TSBP1: variants seen among roughly 807,000 people sequenced by gnomAD.
The protein encoded by TSBP1 is testis expressed basic protein 1, also known as testis-expressed basic protein 1.
In TSBP1, 56 loss-of-function variants were observed where a neutral mutation model predicts 68.8. The observed-to-expected ratio is 0.81, with a 90% CI of 0.66 to 1.02. The LOEUF (loss-of-function observed/expected upper bound fraction) is 1.02, where lower values mean the gene tolerates loss of function less well. Among genes scored for constraint, TSBP1 ranks in the 50% least tolerant of loss-of-function variants. The pLI is 0.00. For missense variants in TSBP1, 502 were observed against 641.2 expected, an observed-to-expected ratio of 0.78 and a Z score of 2.34; for synonymous variants, 171 against 208.7, an observed-to-expected ratio of 0.82 and a Z score of 1.56.
chr6:32,367,265 A>AGAGAGAGAGAGAGAGAG (rs9281758), intron 4 of TSBP1, among the ~76,000 whole-genome samples: 7,811 of 117,254 alleles, frequency 0.067, 428 homozygotes, highest in Non-Finnish European at 0.1. Context: ...GAGAGAGAGA[A>AGAGAGAGAGAGAGAGAG]AGAGAGAGAG....
intron 9 of TSBP1, among the ~76,000 whole-genome samples, chr6:32,344,874 G>A (rs555263137): frequency 1.2e-4 from 18 of 151,900 alleles, no homozygotes; most frequent in East Asian, 3.9e-4. Context: ...GGCTGGGGTG[G>A]GGGGGACAGG....
At chr6:32,294,189 C>A in intron 22 of TSBP1, 154 bp from the exon 26 acceptor site, 1 of 796,700 alleles carries the variant, frequency 1.3e-6, no homozygotes, top group Non-Finnish European at 2.0e-6. Flanking sequence ...GTTCTCTGTA[C>A]ATAAAATTAT....
At chr6:32,330,119 G>A (rs544036691) in intron 16 of TSBP1, among the ~76,000 whole-genome samples, 86 of 152,342 alleles carry the variant, frequency 5.6e-4, no homozygotes, top group African/African-American at 2.0e-3. Flanking sequence ...GGCCTTTGGA[G>A]AGAAAACTGT....
At chr6:32,309,589 T>G (rs1766163483) in intron 19 of TSBP1, among the ~76,000 whole-genome samples, 1 of 150,496 alleles carries the variant, frequency 6.6e-6, no homozygotes, top group African/African-American at 2.4e-5. Flanking sequence ...TTGTATTCTT[T>G]TTAAAATTTT....
In TSBP1 at chr6:32,365,574, T is replaced by G. The variant is rs1281035744; in HGVS notation, c.217+593A>C. ...ATGCTGATCATCTCAATGTTCTGGG[T>G]GGAGTGAGAAATAAGTGGGCTTATC... On this transcript the variant is annotated intron_variant, in intron 6 of 22. Transcript: ENST00000612031. The surrounding 1 kb of genome is among the most constrained non-coding windows in gnomAD (Gnocchi z 4.3). 2.2e-5 allele frequency: 10 copies of G among 456,344 alleles called. No individual in the cohort carries two copies. In the Admixed American group the frequency reaches 2.4e-4, roughly 11 times the overall value. 28.3% of individuals were successfully genotyped at this position (456,344 alleles called of 1,614,324 possible).
rs115767683 is a variant in TSBP1 at position 32,307,256 on chromosome 6, A to G, written c.581-4627T>C. Among the ~76,000 whole-genome samples, 412 of 152,230 alleles carry G rather than the reference A, an allele frequency of 2.7e-3. 1 individual carries two copies. The highest frequency in any genetic ancestry group is 9.5e-3 in the African/African-American group (396 of 41,546). The stretch of plus-strand genomic sequence containing the variant: ...TGTATCCTAAGTGTTTTGACAAGTA[A>G]TGATTTTATACTCACTTATTTCTAT... On this transcript the variant is annotated intron_variant, in intron 19 of 22. Coordinates refer to ENST00000612031, the Ensembl canonical transcript of TSBP1.
chr6:32,305,128 T>G (rs1765671022), intron 19 of TSBP1, among the ~76,000 whole-genome samples: 1 of 152,138 alleles, frequency 6.6e-6, no homozygotes, highest in Non-Finnish European at 1.5e-5. Context: ...AGGCCTTTCC[T>G]GGGCCTTGAA....
chr6:32,301,102 C>T (rs1765239955), intron 20 of TSBP1, among the ~76,000 whole-genome samples: 1 of 152,046 alleles, frequency 6.6e-6, no homozygotes, highest in Admixed American at 6.5e-5. Context: ...GAACATGGCT[C>T]ACTGCAGCTT....
rs9281761 is a variant in TSBP1 at position 32,369,373 on chromosome 6, A to ATTTTTTTTTTTTTTTTT, written c.100+523_100+524insAAAAAAAAAAAAAAAAA. Among the ~76,000 whole-genome samples the ATTTTTTTTTTTTTTTTT allele has an allele frequency of 1.3e-3, 165 of 126,980 alleles. 6 individuals carry two copies. Among genetic ancestry groups the ATTTTTTTTTTTTTTTTT allele is most frequent in the African/African-American group, 3.3e-3 (114 of 34,204 alleles). The allele number at this position is 126,980 out of a possible 152,430, so 83.3% of individuals were successfully genotyped here. A position where few individuals can be genotyped will look rare whatever the true frequency, so the allele number is the denominator to read the frequency against. ...CTTATTACTTTTGCTAAACTCTGTG[A>ATTTTTTTTTTTTTTTTT]TTTTTTTTTTTTTTTGAGATGGAGT... On this transcript the variant is annotated intron_variant, in intron 2 of 22. Transcript: ENST00000612031.
Position 32,335,333 on chromosome 6 carries a change from G to A in TSBP1, c.472+104C>T, listed in dbSNP as rs962616558. 4.3e-5 allele frequency: 47 copies of A among 1,081,082 alleles called. No homozygotes were observed. The highest frequency in any genetic ancestry group is 1.2e-4 in the South Asian group (6 of 51,624). 67.0% of individuals were successfully genotyped at this position (1,081,082 alleles called of 1,614,324 possible). On this transcript the variant is annotated intron_variant, in intron 14 of 22. Transcript: ENST00000612031. This position sits in a 1 kb window ranked among gnomAD's most constrained non-coding sequence, Gnocchi z 5.5. ...GGGTGAGATTATGAGGTGGCAGAAG[G>A]ACTTGATCCTTGAGTCCTTGGGCAT...
chr6:32,349,560 T>C, intron 9 of TSBP1, 180 bp downstream of exon 9: 1 of 572,858 alleles, frequency 1.7e-6, no homozygotes, highest in Non-Finnish European at 3.1e-6. Context: ...ACTAGAAACT[T>C]GCATTTACTT....
rs11970771 is a variant in TSBP1, at chr6:32,359,363, T to C, written c.218-3694A>G. Among the ~76,000 whole-genome samples the C allele has an allele frequency of 5.3e-3, 802 of 152,176 alleles. 6 individuals carry two copies. Among genetic ancestry groups the C allele is most frequent in the African/African-American group, 0.018 (756 of 41,518 alleles). On this transcript the variant is annotated intron_variant, in intron 6 of 22. Transcript: ENST00000612031. ...CTAACTGGTGTGAGATGGTATCTCATTGTGGTTTTGATTTGCATTTCTCTG... is the reference window on the plus strand; with the variant it reads ...CTAACTGGTGTGAGATGGTATCTCACTGTGGTTTTGATTTGCATTTCTCTG...
In TSBP1 at chr6:32,321,597, G is replaced by A. The variant is rs1486305018; in HGVS notation, c.559+1520C>T. 6.6e-6 allele frequency among the ~76,000 whole-genome samples: 1 copy of A among 152,182 alleles called. No homozygotes were observed. Among genetic ancestry groups the A allele is most frequent in the Non-Finnish European group, 1.5e-5 (1 of 68,038 alleles). On this transcript the variant is annotated intron_variant, in intron 18 of 22. Coordinates refer to ENST00000612031, the Ensembl canonical transcript of TSBP1. This position sits in a 1 kb window ranked among gnomAD's most constrained non-coding sequence, Gnocchi z 4.3. ...ATCTGTGCCGTGAGAATACTTAGCC[G>A]ATCAGCCTCTTTGCTAAGGCTTCAG...
intron 9 of TSBP1, among the ~76,000 whole-genome samples, chr6:32,345,526 G>GTTT (rs9281745): frequency 0.21 from 31,277 of 147,734 alleles, 3,524 homozygotes; most frequent in South Asian, 0.25. Flanking sequence ...TACTCTGCCT[G>GTTT]TTTTTTTTTT....
At chr6:32,364,886 T>C (rs1773483859) in intron 6 of TSBP1, among the ~76,000 whole-genome samples, 1 of 141,812 alleles carries the variant, frequency 7.1e-6, no homozygotes, top group African/African-American at 2.5e-5. Flanking sequence ...TTGTGCCTAC[T>C]TCACAGGTGG....
Position 32,325,576 on chromosome 6 carries a change from C to G in TSBP1, c.515-1962G>C, listed in dbSNP as rs1768133553. ...ATTAAAGAAGACACTGAAGAAATCA[C>G]CTAAGAAATTATTTTGAGTAGTATG... is the stretch of plus-strand genomic sequence containing the variant. On this transcript the variant is annotated intron_variant, in intron 16 of 22. Transcript: ENST00000612031. The surrounding 1 kb of genome is among the most constrained non-coding windows in gnomAD (Gnocchi z 4.4). 1.1e-6 allele frequency: 1 copy of G among 884,540 alleles called. No homozygotes were observed. Among genetic ancestry groups the G allele is most frequent in the Admixed American group, 1.7e-5 (1 of 58,966 alleles). 54.8% of individuals were successfully genotyped at this position (884,540 alleles called of 1,614,324 possible).
chr6:32,349,836 T>C (rs1234992023), intron 8 of TSBP1, 76 bp from the exon 9 acceptor site: 2 of 1,537,904 alleles, frequency 1.3e-6, no homozygotes, highest in Non-Finnish European at 1.8e-6. Flanking sequence ...GACACTATAT[T>C]GCAGAAAGGT....
At chr6:32,353,615 A>G (rs527573865) in intron 8 of TSBP1, among the ~76,000 whole-genome samples, 1 of 147,044 alleles carries the variant, frequency 6.8e-6, no homozygotes, top group Non-Finnish European at 1.5e-5. Context: ...CATTTCTGAA[A>G]AAGAACAAAG....
At position 32,335,306 on chromosome 6, in the gene TSBP1, C is replaced by T; in HGVS notation, c.472+131G>A. 1.4e-6 allele frequency: 1 copy of T among 731,766 alleles called. No individual in the cohort carries two copies. Among genetic ancestry groups the T allele is most frequent in the Non-Finnish European group, 2.0e-6 (1 of 497,510 alleles). 45.3% of individuals were successfully genotyped at this position (731,766 alleles called of 1,614,324 possible). ...ACCTGGATGAGTCCAATCTGGAGTA[C>T]TGGGTGAGATTATGAGGTGGCAGAA... On this transcript the variant is annotated intron_variant, in intron 14 of 22. Coordinates refer to ENST00000612031, the Ensembl canonical transcript of TSBP1. The surrounding 1 kb of genome is among the most constrained non-coding windows in gnomAD (Gnocchi z 5.5).
Sources: gnomAD v4.1 joint callset for allele counts (sites outside exome capture counted in the v4.1 genomes callset) on GRCh38, gnomAD v4.1.1 for gene constraint, Gnocchi (gnomAD v3.1) non-coding constraint, MANE v1.5 for transcripts, NCBI Gene and HGNC (gene_info 2026-07-23, HGNC 2026-07-21) for gene names.